TNRC6C: variants seen among roughly 807,000 people sequenced by gnomAD.
The protein encoded by TNRC6C is trinucleotide repeat containing adaptor 6C.
TNRC6C carries 20 observed loss-of-function variants against 153.7 expected under a neutral mutation model. That is an observed-to-expected ratio of 0.13 (90% CI 0.09 to 0.19). The LOEUF (loss-of-function observed/expected upper bound fraction) is 0.19, where lower values mean the gene tolerates loss of function less well. Among genes scored for constraint, TNRC6C ranks in the 10% least tolerant of loss-of-function variants. The probability of loss-of-function intolerance (pLI) is 1.00; values close to 1 mark genes in which losing one functional copy is unlikely to be tolerated. For missense variants in TNRC6C, 1,987 were observed against 2,172.0 expected (o/e 0.91, Z 1.69); for synonymous variants, 811 against 841.4 (o/e 0.96, Z 0.63).
At chr17:78,034,735 TG>T (rs1228504444) in intron 2 of TNRC6C, among the ~76,000 whole-genome samples, 1 of 152,144 alleles carries the variant, frequency 6.6e-6, no homozygotes, top group East Asian at 1.9e-4. Context: ...TTTGAAGCCC[TG>T]GGCGGGTGAA....
intron 1 of TNRC6C, among the ~76,000 whole-genome samples, chr17:77,960,515 T>G (rs1255330523): frequency 2.6e-5 from 4 of 152,188 alleles, no homozygotes; most frequent in African/African-American, 7.2e-5. Flanking sequence ...TGCGAATGAG[T>G]TGAGACCCTG....
At chr17:77,981,449 C>G (rs1251694222) in intron 1 of TNRC6C, among the ~76,000 whole-genome samples, 1 of 152,200 alleles carries the variant, frequency 6.6e-6, no homozygotes, top group African/African-American at 2.4e-5. Context: ...TATCAGTCAA[C>G]TCATTAGCAT....
At chr17:77,977,351 A>C (rs1052579921) in intron 1 of TNRC6C, among the ~76,000 whole-genome samples, 1 of 152,194 alleles carries the variant, frequency 6.6e-6, no homozygotes, top group Non-Finnish European at 1.5e-5. Context: ...GTGATGGGGA[A>C]AATATGAAGA....
At chr17:78,015,604 G>A (rs1389846859) in intron 1 of TNRC6C, among the ~76,000 whole-genome samples, 2 of 152,198 alleles carry the variant, frequency 1.3e-5, no homozygotes, top group Non-Finnish European at 2.9e-5. Context: ...TGTCTAGGTA[G>A]ATGGAAGATT....
chr17:78,103,307 C>T (rs2073630703), intron 18 of TNRC6C, 107 bp from the exon 22 acceptor site: 6 of 1,326,118 alleles, frequency 4.5e-6, no homozygotes, highest in African/African-American at 1.5e-5. Flanking sequence ...TAAAGAAAAA[C>T]ATTCCTAGTG....
chr17:78,031,950 T>TA (rs2143727479), intron 2 of TNRC6C, 108 bp downstream of exon 4: 2 of 905,348 alleles, frequency 2.2e-6, no homozygotes, highest in South Asian at 1.2e-4. Flanking sequence ...ACTCACAACA[T>TA]ACACAGAGAC....
chr17:78,092,362 C>T (rs537067996), intron 14 of TNRC6C, among the ~76,000 whole-genome samples: 1 of 152,308 alleles, frequency 6.6e-6, no homozygotes, highest in South Asian at 2.1e-4. Context: ...GAATTTTTAA[C>T]ATCCACTGTG....
chr17:77,986,212 T>C lies in TNRC6C; in HGVS notation c.-37-17958T>C, dbSNP rs951787139. The stretch of plus-strand genomic sequence containing the variant: ...GGGCGGATCACCCGAGGTCGGGAGT[T>C]TGAGACCATCCTGACCAACATGGAG... On this transcript the variant is annotated intron_variant, in intron 1 of 22. Coordinates refer to the TNRC6C transcript ENST00000636222. Among the ~76,000 whole-genome samples the C allele has an allele frequency of 5.9e-5, 9 of 152,242 alleles. No homozygotes were observed. In the East Asian group the frequency reaches 1.7e-3, roughly 29 times the overall value.
intron 2 of TNRC6C, among the ~76,000 whole-genome samples, chr17:78,046,732 TCTTTA>T (rs1199543924): frequency 6.6e-6 from 1 of 152,222 alleles, no homozygotes; most frequent in Non-Finnish European, 1.5e-5. Flanking sequence ...CCTAATTCGC[TCTTTA>T]CTTTATCTGG....
At chr17:78,000,031 T>C (rs893502456), upstream of TNRC6C, among the ~76,000 whole-genome samples, 1 of 152,154 alleles carries the variant, frequency 6.6e-6, no homozygotes, top group Non-Finnish European at 1.5e-5. Context: ...CAAGCACAGG[T>C]CTTCTTCACA....
chr17:78,087,060 T>A, exon 13 of TNRC6C: 1 of 1,613,312 alleles, frequency 6.2e-7, no homozygotes. Flanking sequence ...AGAGCAGCAG[T>A]CTTCACCCAA....
intron 10 of TNRC6C, among the ~76,000 whole-genome samples, chr17:78,082,095 A>C (rs2073191133): frequency 6.6e-6 from 1 of 151,074 alleles, no homozygotes; most frequent in Non-Finnish European, 1.5e-5. Context: ...TCTGGCCAGC[A>C]GCCTGCGGTG....
At chr17:78,021,030 A>G (rs1261575275) in intron 1 of TNRC6C, among the ~76,000 whole-genome samples, 3 of 152,240 alleles carry the variant, frequency 2.0e-5, no homozygotes, top group African/African-American at 4.8e-5. Context: ...ACGGCAACCA[A>G]CACAGTCCTG....
chr17:78,079,698 A>C lies in TNRC6C; in HGVS notation c.3357+157A>C, dbSNP rs552666202. Among the ~76,000 whole-genome samples the C allele has an allele frequency of 6.6e-6, 1 of 152,316 alleles. No homozygotes were observed. The highest frequency in any genetic ancestry group is 2.1e-4 in the South Asian group (1 of 4,826). On this transcript the variant is annotated intron_variant, in intron 10 of 19. Transcript: ENST00000301624. This position sits in a 1 kb window ranked among gnomAD's most constrained non-coding sequence, Gnocchi z 4.3. ...GGTTTTTAACCTATAAATTAATTTT[A>C]GACTATAAAGTAGTAAATGGATTCT...
At chr17:78,053,824 G>A (rs1166596264) in intron 3 of TNRC6C, among the ~76,000 whole-genome samples, 1 of 152,102 alleles carries the variant, frequency 6.6e-6, no homozygotes, top group African/African-American at 2.4e-5. Flanking sequence ...TTGAGCCCAG[G>A]AGTTCAAAGC....
At chr17:78,002,610 AGGCTGGGTGTGGT>A (rs900849851), upstream of TNRC6C, among the ~76,000 whole-genome samples, 1 of 152,198 alleles carries the variant, frequency 6.6e-6, no homozygotes, top group African/African-American at 2.4e-5. Context: ...GCTATTGTTC[AGGCTGGGTGTGGT>A]GGCCCACACC....
In TNRC6C at chr17:78,079,491, T is replaced by C. The variant is rs774664812; in HGVS notation, c.3307T>C (p.Ser1103Pro). The C allele has an allele frequency of 6.2e-7, 1 of 1,613,762 alleles. No homozygotes were observed. The highest frequency in any genetic ancestry group is 1.3e-5 in the African/African-American group (1 of 74,974). ...ACAGCCACCAGTGCAGCCTCTTAAC[T>C]CTTCCCAGCCCAGTCTCCGTGCTCA... The change falls in exon 10 of 20, where the codon TCT (serine) becomes CCT (proline). Residue 1103 changes from serine (S) to proline (P), a missense_variant. Physicochemically the swap from Ser to Pro is moderately conservative, Grantham distance 74. This residue lies in a region of TNRC6C where 765 missense variants were observed against 908.6 expected (regional missense o/e 0.84). Coordinates refer to ENST00000301624, the Ensembl canonical transcript of TNRC6C. This position sits in a 1 kb window ranked among gnomAD's most constrained non-coding sequence, Gnocchi z 4.3.
upstream of TNRC6C, among the ~76,000 whole-genome samples, chr17:78,003,025 C>T (rs2071436173): frequency 6.6e-6 from 1 of 152,026 alleles, no homozygotes; most frequent in South Asian, 2.1e-4. Flanking sequence ...AAGTTATGGT[C>T]AGAATGCGGG....
chr17:78,100,279 C>A (rs542298483), intron 17 of TNRC6C, among the ~76,000 whole-genome samples: 1 of 152,246 alleles, frequency 6.6e-6, no homozygotes, highest in Admixed American at 6.5e-5. Context: ...CCCCACATTT[C>A]CCTTCCACAC....
Sources: allele counts gnomAD v4.1 joint callset (sites outside exome capture counted in the v4.1 genomes callset), GRCh38; gene constraint gnomAD v4.1.1; regional missense constraint gnomAD v4.1.1; non-coding constraint Gnocchi (gnomAD v3.1); transcripts MANE v1.5; gene names NCBI Gene and HGNC (gene_info 2026-07-23, HGNC 2026-07-21).